Variants in PDHA1 observed in about 807,000 individuals in gnomAD.
The protein encoded by PDHA1 is pyruvate dehydrogenase E1 subunit alpha 1, also known as pyruvate dehydrogenase E1 component subunit alpha, somatic form, mitochondrial.
Under a neutral mutation model 33.0 loss-of-function variants are expected in PDHA1, and 1 was observed. The ratio of observed to expected loss-of-function variants is 0.03; its 90% CI spans 0.01 to 0.14. The LOEUF (loss-of-function observed/expected upper bound fraction) is 0.14. Among genes scored for constraint, PDHA1 ranks in the 10% least tolerant of loss-of-function variants. The probability of loss-of-function intolerance (pLI) is 1.00; values close to 1 mark genes in which losing one functional copy is unlikely to be tolerated. For missense variants in PDHA1, 168 were observed against 325.1 expected, an observed-to-expected ratio of 0.52 and a Z score of 3.72; for synonymous variants, 123 against 119.2, an observed-to-expected ratio of 1.03 and a Z score of -0.21.
rs1441019526 is a variant in PDHA1, at chrX:19,355,476, A to G, written c.731A>G (p.Lys244Arg). 1 of 1,211,125 alleles carries G rather than the reference A, an allele frequency of 8.3e-7. No individual in the cohort carries two copies. The highest frequency in any genetic ancestry group is 3.0e-5 in the East Asian group (1 of 33,792). ...GCGGCAGCCAGCACTGATTACTACA[A>G]GAGAGGCGATTTCATTCCTGGGCTG... ...ERAAASTDYY[K>R]RGDFIPGLRV... is the part of the protein sequence containing the mutation. Residue 244 changes from lysine (K) to arginine (R), a missense_variant, in exon 7 of 11, where the codon AAG becomes AGG. Lys to Arg is a conservative substitution (Grantham distance 26). Around this residue, in one of 5 missense-constraint regions of PDHA1, gnomAD observed 27 missense variants for 43.8 expected, o/e 0.62. Coordinates refer to ENST00000422285, the MANE Select transcript of PDHA1 (RefSeq NM_000284.4).
rs372658162 is a variant in PDHA1, at chrX:19,360,016, G to T, written c.*363G>T. ...TTCTACCAACCATAGCACCCACCCC[G>T]AGCAGCGCTGGTGCTGCAGCCTGTT... is the stretch of plus-strand genomic sequence containing the variant. On this transcript the variant is annotated 3_prime_UTR_variant, in exon 11 of 11. Coordinates refer to ENST00000422285, the MANE Select transcript of PDHA1 (RefSeq NM_000284.4). 3.8e-6 allele frequency: 1 copy of T among 262,337 alleles called. No homozygotes were observed. The highest frequency in any genetic ancestry group is 6.8e-6 in the Non-Finnish European group (1 of 146,778). 21.6% of individuals were successfully genotyped at this position (262,337 alleles called of 1,213,427 possible).
chrX:19,354,190 C>G (rs1466037882), intron 5 of PDHA1, among the ~76,000 whole-genome samples: 1 of 112,516 alleles, frequency 8.9e-6, no homozygotes, highest in African/African-American at 3.2e-5. Context: ...GTGATCTGCC[C>G]AAAGTGCTGG....
At chrX:19,349,593 A>G (rs189345438) in intron 2 of PDHA1, among the ~76,000 whole-genome samples, 1 of 112,076 alleles carries the variant, frequency 8.9e-6, no homozygotes, top group African/African-American at 3.2e-5. Flanking sequence ...AAATGAAAAT[A>G]AAAATAAAAG....
rs369185042 is a variant in PDHA1 at position 19,359,548 on chromosome X, T to C, written c.1068T>C (p.Asp356=). ...ATGCTGCCCAGTTTGCCACGGCCGA[T>C]CCTGAGCCACCTTTGGAAGAGCTGG... is the stretch of plus-strand genomic sequence containing the variant. ...IEDAAQFATA[D]PEPPLEELGY... is the part of the protein sequence containing the mutation. Residue 356 remains aspartate, a synonymous_variant, in exon 11 of 11, where the codon GAT becomes GAC. Transcript: ENST00000422285. 6 of 1,208,173 alleles carry C rather than the reference T, an allele frequency of 5.0e-6. No individual in the cohort carries two copies. In the South Asian group the frequency reaches 5.3e-5, roughly 11 times the overall value.
intron 10 of PDHA1, among the ~76,000 whole-genome samples, 191 bp downstream of exon 10, chrX:19,359,215 CTTCAGAT>C (rs369769615): frequency 2.1e-3 from 233 of 111,705 alleles, no homozygotes; most frequent in Admixed American, 4.2e-3. Context: ...TTGTATTACT[CTTCAGAT>C]TTCAGATTTT....
intron 8 of PDHA1, chrX:19,357,309 TAGTCTCGAACTCCTGGGCGCA>T (rs1489060528): frequency 3.3e-5 from 9 of 270,958 alleles, no homozygotes; most frequent in Non-Finnish European, 5.4e-5. Context: ...TTGTCCAGGC[TAGTCTCGAACTCCTGGGCGCA>T]AGTGCTCTGC....
Position 19,354,313 on chromosome X carries a change from G to C in PDHA1, c.511-178G>C, listed in dbSNP as rs66727455. On this transcript the variant is annotated intron_variant, in intron 5 of 10. Transcript: ENST00000422285. The stretch of plus-strand genomic sequence containing the variant: ...AACATAGTATTTATATATTACTTTA[G>C]TGCTTTATTGAAAATATCGGAGGTG... Among the ~76,000 whole-genome samples, 24,398 of 112,107 alleles carry C rather than the reference G, an allele frequency of 0.22. 5,033 individuals carry two copies. Among genetic ancestry groups the C allele is most frequent in the African/African-American group, 0.66 (20,184 of 30,621 alleles).
intron 1 of PDHA1, among the ~76,000 whole-genome samples, chrX:19,344,723 T>A (rs1381500495): frequency 8.9e-6 from 1 of 112,952 alleles, no homozygotes; most frequent in Non-Finnish European, 1.9e-5. Flanking sequence ...TCTTGAGGAT[T>A]CAACGAGTGA....
rs1224005879 is a variant in PDHA1 at position 19,351,265 on chromosome X, C to T, written c.292-16C>T. ...TGTATCATATTGCCTCATAGTTTCT[C>T]CTTCCTCTAACACAGGAAGCTTGCT... On this transcript the variant is annotated splice_polypyrimidine_tract_variant and intron_variant, in intron 3 of 10. Coordinates refer to ENST00000422285, the MANE Select transcript of PDHA1 (RefSeq NM_000284.4). 2 of 1,204,303 alleles carry T rather than the reference C, an allele frequency of 1.7e-6. No homozygotes were observed. Among genetic ancestry groups the T allele is most frequent in the Non-Finnish European group, 2.2e-6 (2 of 890,387 alleles).
Position 19,355,529 on chromosome X carries a change from G to GGGCCAA in PDHA1, c.759+40_759+45dup, listed in dbSNP as rs11278403. 20,732 of 1,204,796 alleles carry GGGCCAA rather than the reference G, an allele frequency of 0.017. 146 individuals are homozygous for GGGCCAA. The highest frequency in any genetic ancestry group is 0.02 in the Non-Finnish European group (18,141 of 890,880). ...AGTAAGGACACCTGTGGTGGGGCCGGGGCCAAGGCCAAGGCCAAGGGTATG... is the reference window on the plus strand; with the variant it reads ...AGTAAGGACACCTGTGGTGGGGCCGGGGCCAAGGCCAAGGCCAAGGCCAAGGGTATG... On this transcript the variant is annotated intron_variant, in intron 7 of 10. Transcript: ENST00000422285.
chrX:19,351,580 G>T, intron 4 of PDHA1, 173 bp downstream of exon 4: 2 of 446,171 alleles, frequency 4.5e-6, no homozygotes, highest in Non-Finnish European at 7.8e-6. Context: ...CTGACCATTT[G>T]TGAAGTTCTC....
chrX:19,344,338 C>T (rs2063116566), intron 1 of PDHA1, among the ~76,000 whole-genome samples: 1 of 113,469 alleles, frequency 8.8e-6, no homozygotes, highest in African/African-American at 3.2e-5. Flanking sequence ...GCCCCCGGGC[C>T]CAGCTGTGCG....
At chrX:19,351,634 TCA>T in intron 4 of PDHA1, 1 of 380,035 alleles carries the variant, frequency 2.6e-6, no homozygotes. Context: ...TGCTATAAAA[TCA>T]CAGTAGGTTT....
intron 2 of PDHA1, among the ~76,000 whole-genome samples, 159 bp downstream of exon 2, chrX:19,349,530 T>G (rs2063152480): frequency 8.9e-6 from 1 of 112,047 alleles, no homozygotes; most frequent in African/African-American, 3.2e-5. Flanking sequence ...AAAACTAGAA[T>G]TTATTATTAG....
At chrX:19,344,654 G>GAAATGTTATTGGTTATTA (rs1555932349) in intron 1 of PDHA1, among the ~76,000 whole-genome samples, 9 of 109,809 alleles carry the variant, frequency 8.2e-5, no homozygotes, top group African/African-American at 3.0e-4. Flanking sequence ...AGTTATCTCT[G>GAAATGTTATTGGTTATTA]AAATGTTATC....
At chrX:19,357,161 G>T (rs1053344425) in intron 8 of PDHA1, among the ~76,000 whole-genome samples, 2 of 112,232 alleles carry the variant, frequency 1.8e-5, no homozygotes, top group Non-Finnish European at 3.8e-5. Flanking sequence ...AGGGTCTCGC[G>T]CAGTGGCACA....
intron 7 of PDHA1, 41 bp from the exon 8 acceptor site, chrX:19,355,645 C>T (rs758263039): frequency 2.8e-5 from 32 of 1,134,283 alleles, no homozygotes; most frequent in South Asian, 1.3e-4. Flanking sequence ...TGGTTTGGGG[C>T]AGTTGGATTC....
In PDHA1 at chrX:19,360,072, A is replaced by C; in HGVS notation, c.*419A>C. On this transcript the variant is annotated 3_prime_UTR_variant, in exon 11 of 11. Transcript: ENST00000422285. ...TGACCATTTCTCTACAAGATACAATATTTATTATCAGGCAAGAGGACAGTT... is the reference window on the plus strand; with the variant it reads ...TGACCATTTCTCTACAAGATACAATCTTTATTATCAGGCAAGAGGACAGTT... 1 of 188,510 alleles carries C rather than the reference A, an allele frequency of 5.3e-6. No individual in the cohort carries two copies. Among genetic ancestry groups the C allele is most frequent in the Non-Finnish European group, 9.9e-6 (1 of 101,427 alleles). The allele number at this position is 188,510 out of a possible 1,213,427, so 15.5% of individuals were successfully genotyped here. A position where few individuals can be genotyped will look rare whatever the true frequency, so the allele number is the denominator to read the frequency against.
chrX:19,356,613 C>T (rs985573313), intron 8 of PDHA1, among the ~76,000 whole-genome samples: 13 of 111,827 alleles, frequency 1.2e-4, no homozygotes, highest in Non-Finnish European at 1.9e-4. Flanking sequence ...TGGGTATTGA[C>T]GCCACCTCTC....
Sources: allele counts gnomAD v4.1 joint callset (sites outside exome capture counted in the v4.1 genomes callset), GRCh38; gene constraint gnomAD v4.1.1; regional missense constraint gnomAD v4.1.1; transcripts MANE v1.5; gene names NCBI Gene and HGNC (gene_info 2026-07-23, HGNC 2026-07-21).